The following FAM168B variants were observed in gnomAD, a reference collection of about 807,000 sequenced individuals.
The protein encoded by FAM168B is family with sequence similarity 168 member B, also known as myelin-associated neurite-outgrowth inhibitor.
A neutral mutation model predicts 21.8 loss-of-function variants in FAM168B; 19 were observed. That is an observed-to-expected ratio of 0.87 (90% CI 0.61 to 1.28). The LOEUF is 1.28. FAM168B is among the 50% of genes most tolerant of loss of function. The probability of loss-of-function intolerance (pLI) is 0.00; values close to 1 mark genes in which losing one functional copy is unlikely to be tolerated. For missense variants in FAM168B, 233 were observed against 263.1 expected (o/e 0.89, Z 0.79); for synonymous variants, 126 against 104.8 (o/e 1.20, Z -1.24).
chr2:131,052,160 G>C lies in FAM168B; in HGVS notation c.*305C>G, dbSNP rs751336347. The C allele has an allele frequency of 1.2e-4, 114 of 985,558 alleles. No homozygotes were observed. The highest frequency in any genetic ancestry group is 1.3e-4 in the Non-Finnish European group (112 of 829,904). 61.1% of individuals were successfully genotyped at this position (985,558 alleles called of 1,614,324 possible). On this transcript the variant is annotated 3_prime_UTR_variant, in exon 7 of 7. Transcript: ENST00000389915. ...TAGATTGAGCAAGCTTTTTGTGTTT[G>C]TTTTTTTAAACATGCATTCAACTAG...
chr2:131,084,034 C>A (rs908273635), intron 1 of FAM168B, among the ~76,000 whole-genome samples: 1 of 151,852 alleles, frequency 6.6e-6, no homozygotes, highest in African/African-American at 2.4e-5. Flanking sequence ...TCCCGCATAG[C>A]AGGGACTACA....
chr2:131,086,465 A>G (rs1402650200), intron 1 of FAM168B, among the ~76,000 whole-genome samples: 9 of 152,182 alleles, frequency 5.9e-5, no homozygotes, highest in Admixed American at 5.9e-4. Context: ...TAAAAAGATC[A>G]GCTGGATGCG....
chr2:131,053,296 A>G (rs1436609232), intron 5 of FAM168B, among the ~76,000 whole-genome samples: 1 of 152,244 alleles, frequency 6.6e-6, no homozygotes, highest in Non-Finnish European at 1.5e-5. Context: ...TAAACAAATG[A>G]GTATGCTTCA....
chr2:131,068,749 C>T (rs995045280), intron 3 of FAM168B, among the ~76,000 whole-genome samples: 23 of 152,186 alleles, frequency 1.5e-4, no homozygotes, highest in Non-Finnish European at 5.9e-5. Flanking sequence ...GGCATGGTAG[C>T]TCACGGCTAT....
intron 3 of FAM168B, among the ~76,000 whole-genome samples, chr2:131,057,724 G>A (rs1033493820): frequency 5.3e-5 from 8 of 152,268 alleles, no homozygotes; most frequent in East Asian, 1.9e-4. Flanking sequence ...CTGCCTGGGC[G>A]ACAAAGTAAG....
rs760853623 is a variant in FAM168B at position 131,051,912 on chromosome 2, G to A, written c.*553C>T. 2 of 985,444 alleles carry A rather than the reference G, an allele frequency of 2.0e-6. No individual in the cohort carries two copies. Among genetic ancestry groups the A allele is most frequent in the Non-Finnish European group, 2.4e-6 (2 of 829,930 alleles). The allele number at this position is 985,444 out of a possible 1,614,324, so 61.0% of individuals were successfully genotyped here. A position where few individuals can be genotyped will look rare whatever the true frequency, so the allele number is the denominator to read the frequency against. On this transcript the variant is annotated 3_prime_UTR_variant, in exon 7 of 7. Coordinates refer to ENST00000389915, the MANE Select transcript of FAM168B (RefSeq NM_001009993.4). ...GTCAGTGCCAAAGAAACAGGTCGCT[G>A]AAAACTAAAATGTCCACATCCCTAA...
At position 131,053,022 on chromosome 2, in the gene FAM168B, G is replaced by T. The variant is rs1355094750; in HGVS notation, c.476-7C>A. On this transcript the variant is annotated splice_region_variant and splice_polypyrimidine_tract_variant and intron_variant, in intron 5 of 6. Transcript: ENST00000389915. ...TGAGCAGTCAGCAGGGTACCTGGAA[G>T]AAAGAGCAGCACATGACATGAGGCT... 4 of 1,547,032 alleles carry T rather than the reference G, an allele frequency of 2.6e-6. No homozygotes were observed. The South Asian group carries it at 3.6e-5, about 14-fold the overall frequency.
chr2:131,059,349 C>A (rs1478744287), intron 3 of FAM168B, among the ~76,000 whole-genome samples: 1 of 152,130 alleles, frequency 6.6e-6, no homozygotes, highest in African/African-American at 2.4e-5. Context: ...GGATGAGGGA[C>A]GTCAAGGGTC....
At chr2:131,062,159 G>C (rs1053237793) in intron 3 of FAM168B, among the ~76,000 whole-genome samples, 10 of 152,184 alleles carry the variant, frequency 6.6e-5, no homozygotes, top group Admixed American at 1.3e-4. Flanking sequence ...AGAGTGAAGA[G>C]AAGATGCAAG....
intron 1 of FAM168B, among the ~76,000 whole-genome samples, chr2:131,090,893 C>T (rs1277364551): frequency 1.3e-5 from 2 of 152,062 alleles, no homozygotes; most frequent in Non-Finnish European, 2.9e-5. Flanking sequence ...CCATGCCCGG[C>T]TAATATTTTG....
intron 1 of FAM168B, among the ~76,000 whole-genome samples, chr2:131,090,591 C>T (rs991018711): frequency 6.6e-6 from 1 of 151,996 alleles, no homozygotes; most frequent in Non-Finnish European, 1.5e-5. Flanking sequence ...AGCTTGTAGA[C>T]TTGGTGGCAA....
intron 3 of FAM168B, among the ~76,000 whole-genome samples, chr2:131,069,580 G>A (rs913749359): frequency 4.0e-5 from 6 of 151,856 alleles, no homozygotes; most frequent in South Asian, 2.1e-4. Flanking sequence ...TGCAAGCTCC[G>A]CCTTCCAGGT....
chr2:131,082,298 T>G (rs1204898362), intron 2 of FAM168B, among the ~76,000 whole-genome samples: 1 of 152,016 alleles, frequency 6.6e-6, no homozygotes, highest in Non-Finnish European at 1.5e-5. Flanking sequence ...GAGACCACAA[T>G]GAGAAGGAGT....
intron 1 of FAM168B, among the ~76,000 whole-genome samples, chr2:131,091,965 T>TGA (rs761919944): frequency 7.8e-6 from 1 of 128,852 alleles, no homozygotes; most frequent in African/African-American, 2.8e-5. Flanking sequence ...TCGTCTCTAC[T>TGA]AAAAAAAAAA....
At chr2:131,067,494 A>G (rs938548823) in intron 3 of FAM168B, among the ~76,000 whole-genome samples, 12 of 152,182 alleles carry the variant, frequency 7.9e-5, no homozygotes, top group Non-Finnish European at 1.8e-4. Context: ...TAATCCCAAC[A>G]CTTTGAGAGG....
intron 6 of FAM168B, 57 bp from the exon 7 acceptor site, chr2:131,052,509 C>T (rs1416577301): frequency 4.0e-6 from 4 of 1,009,070 alleles, no homozygotes; most frequent in Non-Finnish European, 4.7e-6. Flanking sequence ...ACCGCTATTC[C>T]AAAATCTCAA....
intron 4 of FAM168B, 23 bp downstream of exon 4, chr2:131,055,530 C>G: frequency 1.2e-6 from 2 of 1,601,434 alleles, no homozygotes; most frequent in Non-Finnish European, 1.7e-6. Context: ...CCTTCCCACA[C>G]AGCAGTGTGT....
rs1393996523 is a variant in FAM168B at position 131,048,125 on chromosome 2, TA to T, written c.*4339del. On this transcript the variant is annotated 3_prime_UTR_variant, in exon 7 of 7. Transcript: ENST00000389915. ...ACTGGAAGACAATGCTGACTTAGCT[TA>T]AAAAAAGTACCGAGAGAACGGTGTA... The T allele has an allele frequency of 2.5e-6, 3 of 1,180,096 alleles. No individual in the cohort carries two copies. Among genetic ancestry groups the T allele is most frequent in the Non-Finnish European group, 3.3e-6 (3 of 916,030 alleles). The allele number at this position is 1,180,096 out of a possible 1,614,324, so 73.1% of individuals were successfully genotyped here.
In FAM168B at chr2:131,082,934, G is replaced by A. The variant is rs1034874078; in HGVS notation, c.-11-277C>T. ...AGCTATATGTCCACTAAAAGCAAGG[G>A]GAAAGGCCAGGTACGGTGGTGCACT... On this transcript the variant is annotated intron_variant, in intron 1 of 6. Coordinates refer to ENST00000389915, the MANE Select transcript of FAM168B (RefSeq NM_001009993.4). Among the ~76,000 whole-genome samples the A allele has an allele frequency of 8.5e-5, 13 of 152,240 alleles. No homozygotes were observed. The South Asian group carries it at 2.5e-3, about 29-fold the overall frequency.
Sources: gnomAD v4.1 joint callset for allele counts (sites outside exome capture counted in the v4.1 genomes callset) on GRCh38, gnomAD v4.1.1 for gene constraint, MANE v1.5 for transcripts, NCBI Gene and HGNC (gene_info 2026-07-23, HGNC 2026-07-21) for gene names.